The following LY9 variants were observed in gnomAD, a reference collection of about 807,000 sequenced individuals.
LY9 encodes lymphocyte antigen 9, also known as T-lymphocyte surface antigen Ly-9.
Under a neutral mutation model 64.6 loss-of-function variants are expected in LY9, and 59 were observed. The observed-to-expected ratio is 0.91, with a 90% CI of 0.74 to 1.13. LY9 has a LOEUF of 1.13. Among genes scored for constraint, LY9 ranks in the 50% most tolerant of loss-of-function variants. The probability of loss-of-function intolerance (pLI) is 0.00; values close to 1 mark genes in which losing one functional copy is unlikely to be tolerated. For synonymous variants in LY9, 281 were observed against 308.5 expected, an observed-to-expected ratio of 0.91 and a Z score of 0.93; for missense variants, 789 against 797.2, an observed-to-expected ratio of 0.99 and a Z score of 0.12.
chr1:160,818,217 G>A lies in LY9; in HGVS notation c.1343-1G>A. Reference sequence around the variant, plus strand: ...TAACATCACTCATTTCCTCCTCAAAGGACCTGAGAGAAACACAAAGCTTTG... The same window carrying A: ...TAACATCACTCATTTCCTCCTCAAAAGACCTGAGAGAAACACAAAGCTTTG... On this transcript the variant is annotated splice_acceptor_variant, in intron 5 of 9. Coordinates refer to ENST00000263285, the MANE Select transcript of LY9 (RefSeq NM_002348.4). LOFTEE classifies it high-confidence loss of function. The A allele has an allele frequency of 3.1e-6, 5 of 1,607,872 alleles. No individual in the cohort carries two copies. The highest frequency in any genetic ancestry group is 4.3e-6 in the Non-Finnish European group (5 of 1,174,662).
chr1:160,817,964 C>A lies in LY9; in HGVS notation c.1343-254C>A, dbSNP rs544315729. 2.2e-4 allele frequency among the ~76,000 whole-genome samples: 33 copies of A among 152,282 alleles called. No individual in the cohort carries two copies. In the South Asian group the frequency reaches 6.8e-3, roughly 32 times the overall value. ...ATCTGCACTCGAACCTCAGGTCAGA[C>A]ACTTGAAACACTGTGACACTGGGCA... On this transcript the variant is annotated intron_variant, in intron 5 of 9. Transcript: ENST00000263285.
At chr1:160,799,648 C>T in intron 1 of LY9, 105 bp from the exon 2 acceptor site, 1 of 722,120 alleles carries the variant, frequency 1.4e-6, no homozygotes, top group Non-Finnish European at 2.4e-6. Context: ...CATTTCATTT[C>T]TCAGCATCTG....
chr1:160,823,353 G>A, intron 7 of LY9, 112 bp from the exon 8 acceptor site: 1 of 712,880 alleles, frequency 1.4e-6, no homozygotes, highest in East Asian at 2.7e-5. Context: ...ATCTCCTTCG[G>A]TTCTCTAGGC....
intron 2 of LY9, among the ~76,000 whole-genome samples, chr1:160,805,586 T>G (rs898843582): frequency 1.3e-5 from 2 of 152,206 alleles, no homozygotes; most frequent in Non-Finnish European, 2.9e-5. Context: ...TTGGATAGAA[T>G]GTTCTGTAAA....
chr1:160,827,386 A>G (rs1380488484), intron 9 of LY9, among the ~76,000 whole-genome samples: 1 of 152,156 alleles, frequency 6.6e-6, no homozygotes, highest in African/African-American at 2.4e-5. Flanking sequence ...AACCTCTGCC[A>G]TCTAAATTAT....
In LY9 at chr1:160,796,281, C is replaced by G. The variant is rs4656269; in HGVS notation, c.94C>G (p.Leu32Val). Residue 32 changes from leucine to valine, a missense_variant, in exon 1 of 10, where the codon CTA becomes GTA. Coordinates refer to ENST00000263285, the MANE Select transcript of LY9 (RefSeq NM_002348.4). ...RSQLQIFSSVLQTSLLFLLMG... is the reference protein window; with the variant it reads ...RSQLQIFSSVVQTSLLFLLMG... ...TCAGCTGCAAATATTCTCTTCTGTT[C>G]TACAGACCTCTCTCCTCTTCCTGCT... is the stretch of plus-strand genomic sequence containing the variant. 6.2e-7 allele frequency: 1 copy of G among 1,613,620 alleles called. No individual in the cohort carries two copies.
At chr1:160,818,152 G>A in intron 5 of LY9, 66 bp from the exon 6 acceptor site, 1 of 1,028,000 alleles carries the variant, frequency 9.7e-7, no homozygotes, top group Non-Finnish European at 1.5e-6. Context: ...ATCATGTTCT[G>A]TGCATTGTTT....
At chr1:160,799,065 A>G (rs1301082573) in intron 1 of LY9, 1 of 152,414 alleles carries the variant, frequency 6.6e-6, no homozygotes, top group African/African-American at 2.4e-5. Context: ...CAGGAACTGT[A>G]TTAGTACCAC....
intron 2 of LY9, chr1:160,801,945 C>T: frequency 1.2e-6 from 2 of 1,610,432 alleles, no homozygotes; most frequent in Non-Finnish European, 1.7e-6. Context: ...CCACTGGAGA[C>T]CGCTCCGCCA....
intron 7 of LY9, among the ~76,000 whole-genome samples, chr1:160,821,586 A>G (rs1228120441): frequency 6.6e-6 from 1 of 152,050 alleles, no homozygotes. Flanking sequence ...TCCTCTCATC[A>G]CTTTGCCAAG....
At chr1:160,802,787 T>A in intron 2 of LY9, 1 of 467,042 alleles carries the variant, frequency 2.1e-6, no homozygotes, top group Non-Finnish European at 2.8e-6. Flanking sequence ...CAATTGGCTA[T>A]AAACCTGTGG....
At position 160,827,901 on chromosome 1, in the gene LY9, G is replaced by A; in HGVS notation, c.*85G>A. 1 of 1,035,210 alleles carries A rather than the reference G, an allele frequency of 9.7e-7. No homozygotes were observed. Among genetic ancestry groups the A allele is most frequent in the Non-Finnish European group, 1.4e-6 (1 of 694,772 alleles). 64.1% of individuals were successfully genotyped at this position (1,035,210 alleles called of 1,614,324 possible). A position where few individuals can be genotyped will look rare whatever the true frequency, so the allele number is the denominator to read the frequency against. On this transcript the variant is annotated 3_prime_UTR_variant, in exon 10 of 10. Coordinates refer to ENST00000263285, the MANE Select transcript of LY9 (RefSeq NM_002348.4). The stretch of plus-strand genomic sequence containing the variant: ...TCATGGGGCCTGGGGCTCACAGACA[G>A]AAGCACCTCAGAATTTCCTTCAGTG...
In LY9 at chr1:160,823,449, G is replaced by A; in HGVS notation, c.1499-16G>A. 6.3e-7 allele frequency: 1 copy of A among 1,595,506 alleles called. No individual in the cohort carries two copies. The highest frequency in any genetic ancestry group is 1.1e-5 in the South Asian group (1 of 89,666). ...GGGTTGGCATACTTTTATCAGCCCT[G>A]CACAATGTGTTCCAGAACCCACAGC... On this transcript the variant is annotated splice_polypyrimidine_tract_variant and intron_variant, in intron 7 of 9. Coordinates refer to ENST00000263285, the MANE Select transcript of LY9 (RefSeq NM_002348.4).
intron 2 of LY9, chr1:160,813,406 G>A (rs1286462045): frequency 2.1e-5 from 12 of 566,962 alleles, no homozygotes; most frequent in Non-Finnish European, 3.8e-5. Flanking sequence ...AGAGAGAGAA[G>A]TAATCAGACT....
chr1:160,827,753 GCCA>G lies in LY9; in HGVS notation c.1913_1915del (p.Pro638del), dbSNP rs879621451. On this transcript the variant is annotated inframe_deletion, in exon 10 of 10. Coordinates refer to ENST00000263285, the MANE Select transcript of LY9 (RefSeq NM_002348.4). ...TGTGGATTTTTGGCTCACAGGTGGT[GCCA>G]CCACCACAACAGAATGATCTTGAGA... The G allele has an allele frequency of 6.2e-6, 10 of 1,607,002 alleles. No individual in the cohort carries two copies. Among genetic ancestry groups the G allele is most frequent in the East Asian group, 2.3e-5 (1 of 44,346 alleles).
intron 2 of LY9, chr1:160,812,503 T>C (rs1404067032): frequency 6.6e-6 from 1 of 152,206 alleles, no homozygotes; most frequent in Non-Finnish European, 1.5e-5. Context: ...GTGCAGTTAA[T>C]AGAATTAGAA....
intron 8 of LY9, 99 bp from the exon 9 acceptor site, chr1:160,824,082 T>C (rs1668696842): frequency 1.4e-6 from 2 of 1,469,818 alleles, no homozygotes; most frequent in South Asian, 2.5e-5. Context: ...GTGTGTGAGA[T>C]GGGAAGCCAG....
intron 3 of LY9, 69 bp downstream of exon 3, chr1:160,813,980 C>T: frequency 6.6e-7 from 1 of 1,511,256 alleles, no homozygotes; most frequent in South Asian, 1.3e-5. Context: ...AGTCTAAACC[C>T]TAGGATCCTG....
intron 2 of LY9, among the ~76,000 whole-genome samples, chr1:160,804,106 A>T (rs564148687): frequency 3.3e-5 from 5 of 152,300 alleles, no homozygotes; most frequent in African/African-American, 1.2e-4. Flanking sequence ...AATTTCTCTG[A>T]GTAGAACTTT....
Sources: allele counts gnomAD v4.1 joint callset (sites outside exome capture counted in the v4.1 genomes callset), GRCh38; gene constraint gnomAD v4.1.1; transcripts MANE v1.5; gene names NCBI Gene and HGNC (gene_info 2026-07-23, HGNC 2026-07-21).